COP1: variants seen among roughly 807,000 people sequenced by gnomAD.
The protein encoded by COP1 is E3 ubiquitin-protein ligase COP1.
COP1 carries 24 observed loss-of-function variants against 101.3 expected under a neutral mutation model. That is an observed-to-expected ratio of 0.24 (90% confidence interval 0.17 to 0.33). The LOEUF (loss-of-function observed/expected upper bound fraction) is 0.33, where lower values mean the gene tolerates loss of function less well. COP1 is among the 10% of genes least tolerant of loss of function. The pLI is 1.00. For missense variants in COP1, 663 were observed against 906.2 expected (o/e 0.73, Z 3.45); for synonymous variants, 347 against 341.9 (o/e 1.01, Z -0.17).
At chr1:176,024,529 A>C (rs1185180795) in intron 15 of COP1, among the ~76,000 whole-genome samples, 1 of 152,136 alleles carries the variant, frequency 6.6e-6, no homozygotes, top group Non-Finnish European at 1.5e-5. Context: ...CACAGCCAAC[A>C]CCATACTTAA....
intron 11 of COP1, among the ~76,000 whole-genome samples, chr1:176,079,950 G>A (rs1272457340): frequency 1.3e-5 from 2 of 151,932 alleles, no homozygotes; most frequent in East Asian, 3.9e-4. Context: ...ATGAGCCTAG[G>A]AGTCTGAGGA....
intron 15 of COP1, among the ~76,000 whole-genome samples, chr1:175,996,804 C>G (rs1419529574): frequency 1.3e-4 from 20 of 151,716 alleles, no homozygotes; most frequent in Non-Finnish European, 2.5e-4. Flanking sequence ...AATCAATATC[C>G]TGAAAATGGC....
Position 176,081,294 on chromosome 1 carries a change from G to GAAAAAAAAAAAAAAAAAACAA in COP1, c.1142-8_1142-7insTTGTTTTTTTTTTTTTTTTTT. Reference sequence around the variant, plus strand: ...CTTGCAGTTCGACTGTCATCTATATGAAAAAAAAAAAAAAAAGACAAAACA... The same window carrying GAAAAAAAAAAAAAAAAAACAA: ...CTTGCAGTTCGACTGTCATCTATATGAAAAAAAAAAAAAAAAAACAAAAAAAAAAAAAAAAAAGACAAAACA... On this transcript the variant is annotated splice_region_variant and splice_polypyrimidine_tract_variant and intron_variant, in intron 10 of 19. Transcript: ENST00000367669. 7.8e-7 allele frequency: 1 copy of GAAAAAAAAAAAAAAAAAACAA among 1,283,240 alleles called. No homozygotes were observed. The highest frequency in any genetic ancestry group is 2.0e-5 in the African/African-American group (1 of 50,102). The allele number at this position is 1,283,240 out of a possible 1,614,324, so 79.5% of individuals were successfully genotyped here.
intron 3 of COP1, among the ~76,000 whole-genome samples, chr1:176,167,545 C>A (rs923850051): frequency 2.0e-5 from 3 of 149,460 alleles, no homozygotes; most frequent in African/African-American, 7.4e-5. Flanking sequence ...GAAACCATCA[C>A]CAATTCTTAG....
chr1:176,201,867 G>C (rs1023282160), intron 1 of COP1, among the ~76,000 whole-genome samples: 3 of 152,170 alleles, frequency 2.0e-5, no homozygotes, highest in African/African-American at 7.2e-5. Flanking sequence ...CATCAAGTTT[G>C]ACTTTTGCAG....
In COP1 at chr1:175,988,318, G is replaced by A. The variant is rs142920790; in HGVS notation, c.1942C>T (p.Leu648=). 1.2e-3 allele frequency: 1,953 copies of A among 1,612,156 alleles called. 1 individual carries two copies. The highest frequency in any genetic ancestry group is 1.6e-3 in the Non-Finnish European group (1,867 of 1,178,694). The change falls in exon 17 of 20, where the codon CTG becomes TTG. Residue 648 remains leucine, a synonymous_variant. Transcript: ENST00000367669. ...GHINEKNFVG[L]ASNGDYIACG... ...GCTATATAATCTCCATTGGAAGCCAGGCCTACAAAGTTTTTTTCATTGATA... is the reference window on the plus strand; with the variant it reads ...GCTATATAATCTCCATTGGAAGCCAAGCCTACAAAGTTTTTTTCATTGATA...
chr1:176,189,706 C>A (rs1350540882), intron 1 of COP1, among the ~76,000 whole-genome samples: 1 of 151,040 alleles, frequency 6.6e-6, no homozygotes, highest in Admixed American at 6.6e-5. Context: ...TATCTTTCAT[C>A]ACTAAAAAAT....
chr1:176,070,423 G>T (rs1056054612), intron 11 of COP1, among the ~76,000 whole-genome samples: 2 of 151,602 alleles, frequency 1.3e-5, no homozygotes, highest in African/African-American at 4.8e-5. Context: ...AGCACTTTGG[G>T]AGGCCGAGGT....
intron 3 of COP1, among the ~76,000 whole-genome samples, chr1:176,166,819 C>T (rs575184630): frequency 1.3e-5 from 2 of 152,084 alleles, no homozygotes; most frequent in Non-Finnish European, 2.9e-5. Context: ...TGCCTGAATT[C>T]CCCGCTACTC....
At chr1:176,195,915 A>T (rs2102205971) in intron 1 of COP1, among the ~76,000 whole-genome samples, 1 of 152,298 alleles carries the variant, frequency 6.6e-6, no homozygotes, top group Non-Finnish European at 1.5e-5. Flanking sequence ...GGAGCTGAAA[A>T]ACTGCCTGTT....
chr1:176,122,398 A>G (rs1172674479), intron 8 of COP1, among the ~76,000 whole-genome samples: 1 of 152,146 alleles, frequency 6.6e-6, no homozygotes, highest in African/African-American at 2.4e-5. Flanking sequence ...GCAGGAAAGG[A>G]ATATGACTAT....
chr1:176,124,276 CTTT>C (rs1223636784), intron 8 of COP1, among the ~76,000 whole-genome samples: 1 of 152,010 alleles, frequency 6.6e-6, no homozygotes, highest in African/African-American at 2.4e-5. Flanking sequence ...CCCAATTATA[CTTT>C]TTAAGTTATT....
At chr1:176,152,954 T>C (rs192951490) in intron 5 of COP1, among the ~76,000 whole-genome samples, 3 of 152,284 alleles carry the variant, frequency 2.0e-5, no homozygotes, top group Admixed American at 6.5e-5. Flanking sequence ...TTCTAAAGGA[T>C]ATTCACTTCT....
chr1:176,113,537 C>A (rs2149578443), intron 9 of COP1, among the ~76,000 whole-genome samples: 1 of 152,098 alleles, frequency 6.6e-6, no homozygotes, highest in South Asian at 2.1e-4. Context: ...ATAGGATTTG[C>A]TAGAAATTTC....
At chr1:176,032,367 T>C (rs1210893737) in intron 14 of COP1, among the ~76,000 whole-genome samples, 2 of 152,188 alleles carry the variant, frequency 1.3e-5, no homozygotes, top group Non-Finnish European at 1.5e-5. Context: ...GCTGGACTCT[T>C]AAAAACTTTG....
chr1:176,203,791 T>C (rs1408421492), intron 1 of COP1, among the ~76,000 whole-genome samples: 2 of 152,198 alleles, frequency 1.3e-5, no homozygotes, highest in African/African-American at 4.8e-5. Flanking sequence ...CAATTAAATA[T>C]AAACTTACTT....
intron 5 of COP1, among the ~76,000 whole-genome samples, chr1:176,150,255 G>A (rs935562489): frequency 3.9e-5 from 6 of 152,100 alleles, no homozygotes; most frequent in South Asian, 2.1e-4. Flanking sequence ...ACAGATCAAC[G>A]TAATTTACAA....
At chr1:176,009,779 T>C (rs1664281236) in intron 15 of COP1, among the ~76,000 whole-genome samples, 1 of 151,452 alleles carries the variant, frequency 6.6e-6, no homozygotes, top group Admixed American at 6.6e-5. Flanking sequence ...GAGTTATAGT[T>C]ACTTAGGAGA....
chr1:176,204,457 A>T (rs1228714519), intron 1 of COP1, among the ~76,000 whole-genome samples: 1 of 152,152 alleles, frequency 6.6e-6, no homozygotes, highest in African/African-American at 2.4e-5. Flanking sequence ...GGGGGGAAAA[A>T]AAAAGAAAAA....
Sources: allele counts gnomAD v4.1 joint callset (sites outside exome capture counted in the v4.1 genomes callset), GRCh38; gene constraint gnomAD v4.1.1; transcripts MANE v1.5; gene names NCBI Gene and HGNC (gene_info 2026-07-23, HGNC 2026-07-21).